PACRG: variants seen among roughly 807,000 people sequenced by gnomAD.
PACRG encodes parkin coregulated gene protein.
A neutral mutation model predicts 29.7 loss-of-function variants in PACRG; 29 were observed. The ratio of observed to expected loss-of-function variants is 0.98; its 90% CI spans 0.73 to 1.33. PACRG has a LOEUF of 1.33. PACRG is among the 40% of genes most tolerant of loss of function. PACRG has a pLI of 0.00. For synonymous variants in PACRG, 116 were observed against 118.7 expected, an observed-to-expected ratio of 0.98 and a Z score of 0.15; for missense variants, 279 against 316.2, an observed-to-expected ratio of 0.88 and a Z score of 0.89.
At chr6:163,049,945 A>G (rs779440771) in intron 2 of PACRG, among the ~76,000 whole-genome samples, 2 of 152,094 alleles carry the variant, frequency 1.3e-5, no homozygotes, top group Non-Finnish European at 2.9e-5. Context: ...TTATCCTACA[A>G]GATACTTTTT....
intron 1 of PACRG, among the ~76,000 whole-genome samples, chr6:162,730,079 A>G (rs1206061556): frequency 4.9e-5 from 7 of 143,798 alleles, no homozygotes; most frequent in Middle Eastern, 3.6e-3. Context: ...TTTTTTTTTA[A>G]TACCCAGTGT....
At chr6:162,914,436 T>C (rs986701651) in intron 2 of PACRG, among the ~76,000 whole-genome samples, 7 of 150,354 alleles carry the variant, frequency 4.7e-5, no homozygotes, top group Non-Finnish European at 1.0e-4. Flanking sequence ...TTTGCCAACC[T>C]CAAACTGCAA....
chr6:163,113,759 A>G lies in PACRG; in HGVS notation c.613+24351A>G, dbSNP rs145613185. ...CACCCACCCTGCAGAAAACACTAAA[A>G]GGAGGCCACAGATTGAAATGACTAG... On this transcript the variant is annotated intron_variant, in intron 4 of 4. Transcript: ENST00000366888. Among the ~76,000 whole-genome samples the G allele has an allele frequency of 4.6e-4, 70 of 152,318 alleles. 1 individual carries two copies. In the East Asian group the frequency reaches 7.9e-3, roughly 17 times the overall value.
rs181386835 is a variant in PACRG at position 163,293,587 on chromosome 6, T to C, written c.614-21240T>C. ...TCACTTATTACCTACCTACCCATAG[T>C]TCATGAGATGAAAAAGTTTTGTAAC... On this transcript the variant is annotated intron_variant, in intron 4 of 4. Coordinates refer to ENST00000366888, the MANE Select transcript of PACRG (RefSeq NM_001080379.2). Among the ~76,000 whole-genome samples, 4 of 152,336 alleles carry C rather than the reference T, an allele frequency of 2.6e-5. No individual in the cohort carries two copies. In the East Asian group the frequency reaches 7.7e-4, roughly 29 times the overall value.
intron 3 of PACRG, among the ~76,000 whole-genome samples, chr6:163,079,887 A>ATTTTT (rs1585165556): frequency 1.6e-4 from 18 of 115,176 alleles, no homozygotes; most frequent in African/African-American, 5.2e-4. Flanking sequence ...TGTAGCAGTC[A>ATTTTT]TTCTTTTTTT....
At chr6:163,010,897 T>G (rs1805549164) in intron 2 of PACRG, among the ~76,000 whole-genome samples, 1 of 152,120 alleles carries the variant, frequency 6.6e-6, no homozygotes, top group South Asian at 2.1e-4. Flanking sequence ...CCAGAGTTAC[T>G]CAGTGGGGCA....
At chr6:162,984,426 G>C (rs1394758632) in intron 2 of PACRG, among the ~76,000 whole-genome samples, 1 of 151,966 alleles carries the variant, frequency 6.6e-6, no homozygotes, top group Non-Finnish European at 1.5e-5. Flanking sequence ...TTGATTTAAT[G>C]GGCATATGGG....
At chr6:163,043,579 A>G (rs1392294227) in intron 2 of PACRG, among the ~76,000 whole-genome samples, 2 of 152,172 alleles carry the variant, frequency 1.3e-5, no homozygotes, top group Admixed American at 6.5e-5. Flanking sequence ...GTTCGAGACT[A>G]TAGCAGAAGT....
At chr6:162,937,216 T>C (rs576733004) in intron 2 of PACRG, among the ~76,000 whole-genome samples, 6 of 152,234 alleles carry the variant, frequency 3.9e-5, no homozygotes, top group Non-Finnish European at 8.8e-5. Context: ...TTTTATATTC[T>C]TCTAGTAGCC....
chr6:162,980,636 T>C (rs1023929816), intron 2 of PACRG, among the ~76,000 whole-genome samples: 1 of 152,158 alleles, frequency 6.6e-6, no homozygotes, highest in Admixed American at 6.6e-5. Flanking sequence ...TTTTATCTAC[T>C]CAACCTACAG....
At chr6:162,815,641 ATG>A (rs1787271439) in intron 2 of PACRG, among the ~76,000 whole-genome samples, 1 of 151,932 alleles carries the variant, frequency 6.6e-6, no homozygotes, top group Admixed American at 6.6e-5. Context: ...TTATGTGAAA[ATG>A]TACGTATGAT....
At chr6:163,196,921 AGACAGATAGAT>A (rs1359039203) in intron 4 of PACRG, among the ~76,000 whole-genome samples, 1,283 of 127,190 alleles carry the variant, frequency 0.01, 15 homozygotes, top group African/African-American at 0.037. Flanking sequence ...CAGACAGACT[AGACAGATAGAT>A]AGATAGATAG....
chr6:163,294,660 A>G (rs1299565949), intron 4 of PACRG, among the ~76,000 whole-genome samples: 1 of 152,216 alleles, frequency 6.6e-6, no homozygotes, highest in Non-Finnish European at 1.5e-5. Flanking sequence ...TCAAAATTAT[A>G]ATTTGTAATT....
intron 2 of PACRG, among the ~76,000 whole-genome samples, chr6:162,983,600 A>C (rs1411304462): frequency 6.6e-6 from 1 of 151,970 alleles, no homozygotes; most frequent in Non-Finnish European, 1.5e-5. Context: ...TTCTTGGCTG[A>C]TAATTATTTT....
chr6:162,759,666 G>T (rs73601951), intron 1 of PACRG, among the ~76,000 whole-genome samples: 1 of 151,982 alleles, frequency 6.6e-6, no homozygotes, highest in Non-Finnish European at 1.5e-5. Context: ...ATGTGTATTC[G>T]TTGGCTATAT....
intron 4 of PACRG, among the ~76,000 whole-genome samples, chr6:163,145,092 C>T (rs1249742958): frequency 6.6e-6 from 1 of 152,168 alleles, no homozygotes; most frequent in Non-Finnish European, 1.5e-5. Context: ...CCCACCCAAC[C>T]CACCATGAGA....
intron 4 of PACRG, among the ~76,000 whole-genome samples, chr6:163,092,044 CA>C: frequency 6.6e-6 from 1 of 152,122 alleles, no homozygotes; most frequent in African/African-American, 2.4e-5. Flanking sequence ...TTGTTAAACT[CA>C]GATTCAAAAA....
intron 1 of PACRG, among the ~76,000 whole-genome samples, chr6:162,754,289 G>A (rs1384675136): frequency 6.6e-6 from 1 of 151,962 alleles, no homozygotes. Context: ...CTTTTTTTGA[G>A]AAATGTCTGT....
intron 2 of PACRG, among the ~76,000 whole-genome samples, chr6:162,907,856 G>C (rs1474945545): frequency 1.3e-5 from 2 of 152,046 alleles, no homozygotes; most frequent in South Asian, 4.1e-4. Context: ...CTATCTTTCA[G>C]AATTTATGTA....
Sources: gnomAD v4.1 joint callset for allele counts (sites outside exome capture counted in the v4.1 genomes callset) on GRCh38, gnomAD v4.1.1 for gene constraint, MANE v1.5 for transcripts, NCBI Gene and HGNC (gene_info 2026-07-23, HGNC 2026-07-21) for gene names.